Variants in MRTFA observed in about 807,000 individuals in gnomAD.
MRTFA encodes myocardin related transcription factor A, also known as myocardin-related transcription factor A.
A neutral mutation model predicts 83.5 loss-of-function variants in MRTFA; 20 were observed. The ratio of observed to expected loss-of-function variants is 0.24; its 90% CI spans 0.17 to 0.35. The LOEUF is 0.35. MRTFA is among the 10% of genes least tolerant of loss of function. The pLI is 1.00. For synonymous variants in MRTFA, 659 were observed against 541.2 expected (o/e 1.22, Z -3.02); for missense variants, 1,200 against 1,224.7 (o/e 0.98, Z 0.30).
chr22:40,514,265 T>TA (rs2054718779), intron 3 of MRTFA, among the ~76,000 whole-genome samples: 1 of 151,506 alleles, frequency 6.6e-6, no homozygotes. Flanking sequence ...AATAAATACA[T>TA]AATTAAATAA....
chr22:40,459,782 TACACACACAC>T (rs745698441), intron 4 of MRTFA, among the ~76,000 whole-genome samples: 43 of 88,928 alleles, frequency 4.8e-4, no homozygotes, highest in Middle Eastern at 6.5e-3. Context: ...TGATAAAATA[TACACACACAC>T]ACACACACAC....
intron 2 of MRTFA, among the ~76,000 whole-genome samples, chr22:40,588,162 AG>A (rs2056060720): frequency 6.6e-6 from 1 of 151,570 alleles, no homozygotes; most frequent in Admixed American, 6.6e-5. Flanking sequence ...CTGAGTAGCT[AG>A]GATTACAGGC....
At chr22:40,463,154 C>T (rs1456311146) in intron 4 of MRTFA, 67 bp downstream of exon 4, 5 of 1,321,076 alleles carry the variant, frequency 3.8e-6, no homozygotes, top group Non-Finnish European at 5.5e-6. Context: ...CTTCCCATGG[C>T]ATACTCGGTG....
intron 3 of MRTFA, among the ~76,000 whole-genome samples, chr22:40,542,251 T>C (rs1274437051): frequency 6.6e-6 from 1 of 152,234 alleles, no homozygotes; most frequent in Non-Finnish European, 1.5e-5. Flanking sequence ...TTCTTTCATT[T>C]GTCAAACCAC....
chr22:40,414,328 C>T (rs1183895693), intron 14 of MRTFA, among the ~76,000 whole-genome samples: 1 of 143,756 alleles, frequency 7.0e-6, no homozygotes, highest in Non-Finnish European at 1.5e-5. Flanking sequence ...GGGCAACAGA[C>T]TCCGTCTCCA....
At chr22:40,537,307 C>T (rs2055202348) in intron 3 of MRTFA, among the ~76,000 whole-genome samples, 1 of 2,882 alleles carries the variant, frequency 3.5e-4, no homozygotes, top group Non-Finnish European at 7.9e-4. Flanking sequence ...GCCCGGCCGC[C>T]CCTACTGGGA....
chr22:40,630,186 C>T (rs1375279614), intron 1 of MRTFA, among the ~76,000 whole-genome samples: 1 of 151,982 alleles, frequency 6.6e-6, no homozygotes, highest in Non-Finnish European at 1.5e-5. Context: ...CATGGTGGCA[C>T]ATACCTGTAA....
chr22:40,598,996 C>CT (rs2056225916), intron 1 of MRTFA, among the ~76,000 whole-genome samples: 1 of 110,854 alleles, frequency 9.0e-6, no homozygotes, highest in African/African-American at 3.2e-5. Flanking sequence ...GAAACTCCAT[C>CT]TAAAAAAAAA....
intron 3 of MRTFA, among the ~76,000 whole-genome samples, chr22:40,477,572 T>C (rs12157495): frequency 0.038 from 5,730 of 152,152 alleles, 316 homozygotes; most frequent in African/African-American, 0.12. Context: ...TGAAAAGTGA[T>C]TTGTAAAATT....
At chr22:40,502,184 CGGGG>C (rs2054499405) in intron 3 of MRTFA, among the ~76,000 whole-genome samples, 1 of 140,444 alleles carries the variant, frequency 7.1e-6, no homozygotes, top group African/African-American at 2.7e-5. Context: ...CCCTCCCGGA[CGGGG>C]TGGCTGCCGG....
At chr22:40,421,220 C>T (rs2052832439) in intron 9 of MRTFA, 120 bp from the exon 10 acceptor site, 1 of 1,162,214 alleles carries the variant, frequency 8.6e-7, no homozygotes, top group Non-Finnish European at 1.2e-6. Flanking sequence ...ACACTTTGCC[C>T]ATTTCCACTC....
intron 2 of MRTFA, among the ~76,000 whole-genome samples, chr22:40,555,469 G>C (rs991822345): frequency 2.6e-5 from 4 of 151,942 alleles, no homozygotes; most frequent in Non-Finnish European, 5.9e-5. Context: ...CTCTCACCCT[G>C]TGACATGCCT....
At chr22:40,444,158 C>T (rs899143462) in intron 4 of MRTFA, among the ~76,000 whole-genome samples, 3 of 152,122 alleles carry the variant, frequency 2.0e-5, no homozygotes, top group African/African-American at 7.2e-5. Context: ...CATACAGAGA[C>T]TCCTAACATA....
intron 3 of MRTFA, among the ~76,000 whole-genome samples, chr22:40,509,554 C>T (rs559459309): frequency 4.2e-4 from 64 of 152,296 alleles, no homozygotes; most frequent in African/African-American, 1.5e-3. Flanking sequence ...TCCAGCTGGT[C>T]AAAGTTTTCT....
chr22:40,535,086 G>T (rs1011576732), intron 3 of MRTFA, among the ~76,000 whole-genome samples: 3 of 152,098 alleles, frequency 2.0e-5, no homozygotes, highest in African/African-American at 7.2e-5. Context: ...TAGAACTGTG[G>T]GAATGACTCA....
intron 3 of MRTFA, among the ~76,000 whole-genome samples, chr22:40,508,323 G>A (rs1317096048): frequency 1.3e-5 from 2 of 151,694 alleles, no homozygotes; most frequent in South Asian, 4.2e-4. Flanking sequence ...CAGCCTGACC[G>A]ACATGGTGAA....
At position 40,418,818 on chromosome 22, in the gene MRTFA, C is replaced by A; in HGVS notation, c.1920G>T (p.Met640Ile). The change falls in exon 12 of 15, where the codon ATG (methionine) becomes ATT (isoleucine). Residue 640 changes from methionine to isoleucine, a missense_variant. Transcript: ENST00000355630. ...CCACCAGCTGCTGCTTCTGCCGGAGCATGCGCGTCAGCGCCTCGATCTGCT... is the reference window on the plus strand; with the variant it reads ...CCACCAGCTGCTGCTTCTGCCGGAGAATGCGCGTCAGCGCCTCGATCTGCT... 6.2e-7 allele frequency: 1 copy of A among 1,610,070 alleles called. No individual in the cohort carries two copies. Among genetic ancestry groups the A allele is most frequent in the Non-Finnish European group, 8.5e-7 (1 of 1,179,546 alleles).
In MRTFA at chr22:40,581,631, T is replaced by C. The variant is rs928926203; in HGVS notation, c.-22+13043A>G. The stretch of plus-strand genomic sequence containing the variant: ...CTGTAATATTTTTAGTTCTAGATTA[T>C]AATATGTATAATATATATACAACTT... On this transcript the variant is annotated intron_variant, in intron 2 of 14. Transcript: ENST00000355630. Among the ~76,000 whole-genome samples, 10 of 152,304 alleles carry C rather than the reference T, an allele frequency of 6.6e-5. No homozygotes were observed. The East Asian group carries it at 1.9e-3, about 29-fold the overall frequency.
chr22:40,609,335 G>T (rs1299085562), intron 1 of MRTFA, among the ~76,000 whole-genome samples: 1 of 151,054 alleles, frequency 6.6e-6, no homozygotes, highest in Non-Finnish European at 1.5e-5. Context: ...AGTACATTTA[G>T]TCAGATATTG....
Sources: allele counts gnomAD v4.1 joint callset (sites outside exome capture counted in the v4.1 genomes callset), GRCh38; gene constraint gnomAD v4.1.1; transcripts MANE v1.5; gene names NCBI Gene and HGNC (gene_info 2026-07-23, HGNC 2026-07-21).